Variants in FBXW4 observed in about 807,000 individuals in gnomAD.
The protein encoded by FBXW4 is F-box and WD repeat domain containing 4, also known as F-box/WD repeat-containing protein 4.
FBXW4 carries 40 observed loss-of-function variants against 61.8 expected under a neutral mutation model. That is an observed-to-expected ratio of 0.65 (90% CI 0.50 to 0.84). FBXW4 has a LOEUF of 0.84. FBXW4 is among the 40% of genes least tolerant of loss of function. The pLI is 0.00. For missense variants in FBXW4, 672 were observed against 753.8 expected, an observed-to-expected ratio of 0.89 and a Z score of 1.27; for synonymous variants, 311 against 313.8, an observed-to-expected ratio of 0.99 and a Z score of 0.10.
At chr10:101,616,419 G>A (rs564998950) in intron 6 of FBXW4, among the ~76,000 whole-genome samples, 7 of 152,374 alleles carry the variant, frequency 4.6e-5, no homozygotes, top group South Asian at 2.1e-4. Context: ...CCTTCAAGGA[G>A]TATTCAATCC....
At chr10:101,612,207 C>A in intron 7 of FBXW4, 130 bp downstream of exon 7, 2 of 1,115,874 alleles carry the variant, frequency 1.8e-6, no homozygotes, top group East Asian at 3.0e-5. Context: ...AGTGACCTTG[C>A]AGGCCTCTTC....
rs1347207171 is a variant in FBXW4 at position 101,611,282 on chromosome 10, C to T, written c.*9G>A. On this transcript the variant is annotated 3_prime_UTR_variant, in exon 9 of 9. Transcript: ENST00000331272. The surrounding 1 kb of genome is among the most constrained non-coding windows in gnomAD (Gnocchi z 4.9). ...TTCCCTGGCCCAGAGGCAGGGGTGG[C>T]CCTGACGGTCATGGGTTTTGAAAAT... 1 of 1,612,136 alleles carries T rather than the reference C, an allele frequency of 6.2e-7. No homozygotes were observed. Among genetic ancestry groups the T allele is most frequent in the Middle Eastern group, 1.8e-4 (1 of 5,648 alleles).
rs141066621 is a variant in FBXW4 at position 101,632,457 on chromosome 10, C to T, written c.1236-7647G>A. On this transcript the variant is annotated intron_variant, in intron 5 of 8. Coordinates refer to ENST00000331272, the MANE Select transcript of FBXW4 (RefSeq NM_022039.4). ...ACAAAATGATTATTCTCTATTTTAA[C>T]GAAGGGTACAAGGTCAGCCTAACCA... Among the ~76,000 whole-genome samples, 15 of 152,162 alleles carry T rather than the reference C, an allele frequency of 9.9e-5. 1 individual carries two copies. In the East Asian group the frequency reaches 1.7e-3, roughly 18 times the overall value.
intron 4 of FBXW4, among the ~76,000 whole-genome samples, chr10:101,670,412 A>C (rs1190545340): frequency 6.6e-6 from 1 of 152,256 alleles, no homozygotes; most frequent in Non-Finnish European, 1.5e-5. Flanking sequence ...TAAGGCATCT[A>C]GCACAGCAGC....
chr10:101,618,356 G>A (rs138361408), intron 6 of FBXW4, among the ~76,000 whole-genome samples: 149 of 152,342 alleles, frequency 9.8e-4, no homozygotes, highest in Middle Eastern at 6.8e-3. Context: ...GAGCTTCGTG[G>A]TGGAGGTGCT....
intron 5 of FBXW4, among the ~76,000 whole-genome samples, chr10:101,657,361 G>A (rs373692258): frequency 3.3e-5 from 5 of 152,048 alleles, no homozygotes; most frequent in African/African-American, 9.7e-5. Flanking sequence ...GGCCAGGCAC[G>A]GTGGCTCATG....
intron 4 of FBXW4, among the ~76,000 whole-genome samples, chr10:101,670,907 G>A (rs1355722552): frequency 6.6e-6 from 1 of 152,160 alleles, no homozygotes; most frequent in Non-Finnish European, 1.5e-5. Context: ...CCCTAGCTCA[G>A]AAGTCTTGCA....
At chr10:101,642,697 C>T (rs1181286377) in intron 5 of FBXW4, among the ~76,000 whole-genome samples, 1 of 152,212 alleles carries the variant, frequency 6.6e-6, no homozygotes. Flanking sequence ...AGCATATTTG[C>T]TTTCTGGGAA....
chr10:101,651,104 G>A (rs1320717917), intron 5 of FBXW4, among the ~76,000 whole-genome samples: 2 of 152,104 alleles, frequency 1.3e-5, no homozygotes, highest in African/African-American at 4.8e-5. Context: ...CGAGAAACAG[G>A]AGCACACCAG....
intron 1 of FBXW4, chr10:101,676,711 GAAAAAAAAAA>G (rs56232127): frequency 1.9e-4 from 12 of 64,774 alleles, no homozygotes; most frequent in Middle Eastern, 0.024. Flanking sequence ...TCCAGATTGG[GAAAAAAAAAA>G]AAAAAAAAAA....
At chr10:101,666,464 G>C (rs905352690) in intron 5 of FBXW4, among the ~76,000 whole-genome samples, 2 of 152,122 alleles carry the variant, frequency 1.3e-5, no homozygotes, top group Non-Finnish European at 2.9e-5. Context: ...GTAGGAGGAG[G>C]GGTGCAGGCT....
At chr10:101,635,298 C>T (rs1286766266) in intron 5 of FBXW4, among the ~76,000 whole-genome samples, 1 of 128,178 alleles carries the variant, frequency 7.8e-6, no homozygotes, top group Admixed American at 7.5e-5. Context: ...AAGGCTCCCA[C>T]TGATTCTACA....
intron 5 of FBXW4, among the ~76,000 whole-genome samples, chr10:101,628,464 G>A (rs1302782679): frequency 6.6e-6 from 1 of 152,108 alleles, no homozygotes; most frequent in African/African-American, 2.4e-5. Flanking sequence ...CTTGGGTACT[G>A]TACTGTCTAG....
At chr10:101,690,530 G>A (rs2064586582) in intron 1 of FBXW4, among the ~76,000 whole-genome samples, 1 of 152,134 alleles carries the variant, frequency 6.6e-6, no homozygotes, top group Non-Finnish European at 1.5e-5. Context: ...GAGGCCTAAA[G>A]GGAAGCAAAT....
At chr10:101,681,424 C>T (rs1428394210) in intron 1 of FBXW4, among the ~76,000 whole-genome samples, 1 of 123,384 alleles carries the variant, frequency 8.1e-6, no homozygotes, top group Non-Finnish European at 1.7e-5. Context: ...AATAATAATA[C>T]TAACAGGTCT....
chr10:101,639,705 CAGG>C (rs1187134452), intron 5 of FBXW4, among the ~76,000 whole-genome samples: 1 of 152,196 alleles, frequency 6.6e-6, no homozygotes, highest in Non-Finnish European at 1.5e-5. Context: ...CTGCCAAACT[CAGG>C]AGCACTTGGC....
At chr10:101,628,390 G>A (rs1193615215) in intron 5 of FBXW4, among the ~76,000 whole-genome samples, 1 of 152,122 alleles carries the variant, frequency 6.6e-6, no homozygotes, top group Non-Finnish European at 1.5e-5. Flanking sequence ...CATACTCATG[G>A]GACAAATGGC....
At chr10:101,689,942 G>C (rs2134922886) in intron 1 of FBXW4, among the ~76,000 whole-genome samples, 1 of 152,242 alleles carries the variant, frequency 6.6e-6, no homozygotes, top group East Asian at 1.9e-4. Flanking sequence ...AACACCTATT[G>C]TTAATTCCAG....
intron 6 of FBXW4, among the ~76,000 whole-genome samples, chr10:101,622,408 T>C (rs955578202): frequency 1.4e-4 from 21 of 152,240 alleles, no homozygotes; most frequent in Non-Finnish European, 2.4e-4. Flanking sequence ...AAACATTTGC[T>C]CTTCAAAAGA....
Sources: gnomAD v4.1 joint callset for allele counts (sites outside exome capture counted in the v4.1 genomes callset) on GRCh38, gnomAD v4.1.1 for gene constraint, Gnocchi (gnomAD v3.1) non-coding constraint, MANE v1.5 for transcripts, NCBI Gene and HGNC (gene_info 2026-07-23, HGNC 2026-07-21) for gene names.